The following EXOC6 variants were observed in gnomAD, a reference collection of about 807,000 sequenced individuals.
EXOC6 encodes the protein exocyst complex component 6.
A neutral mutation model predicts 112.5 loss-of-function variants in EXOC6; 60 were observed. The ratio of observed to expected loss-of-function variants is 0.53; its 90% CI spans 0.43 to 0.66. EXOC6 has a LOEUF of 0.66. EXOC6 is among the 30% of genes least tolerant of loss of function. The pLI is 0.00. For synonymous variants in EXOC6, 295 were observed against 308.0 expected, an observed-to-expected ratio of 0.96 and a Z score of 0.44; for missense variants, 855 against 957.1, an observed-to-expected ratio of 0.89 and a Z score of 1.41.
upstream of EXOC6, among the ~76,000 whole-genome samples, chr10:92,832,373 G>A (rs959175290): frequency 5.3e-5 from 8 of 152,180 alleles, no homozygotes; most frequent in African/African-American, 1.4e-4. Context: ...CGCCTCCCGG[G>A]TTCAAGCGAT....
intron 20 of EXOC6, among the ~76,000 whole-genome samples, chr10:93,056,437 C>A (rs1846541124): frequency 6.6e-6 from 1 of 152,112 alleles, no homozygotes; most frequent in African/African-American, 2.4e-5. Flanking sequence ...TTGAGATTAT[C>A]TGAGCTTTTG....
chr10:93,017,194 C>T (rs905514935), intron 20 of EXOC6, among the ~76,000 whole-genome samples: 4 of 151,848 alleles, frequency 2.6e-5, no homozygotes, highest in African/African-American at 9.7e-5. Flanking sequence ...AAGCAGTTTA[C>T]AATTGGCTAC....
intron 1 of EXOC6, among the ~76,000 whole-genome samples, chr10:92,859,311 C>T (rs1350404965): frequency 6.6e-6 from 1 of 152,166 alleles, no homozygotes; most frequent in Admixed American, 6.5e-5. Context: ...TGTTGCTCCT[C>T]AGAGTGCAAT....
chr10:92,922,365 A>G (rs984041525), intron 8 of EXOC6, among the ~76,000 whole-genome samples: 2 of 152,196 alleles, frequency 1.3e-5, no homozygotes, highest in Non-Finnish European at 2.9e-5. Flanking sequence ...TCATTTGCAA[A>G]ATATGGTTAA....
intron 9 of EXOC6, among the ~76,000 whole-genome samples, chr10:92,932,328 A>G (rs10748586): frequency 0.78 from 119,112 of 152,052 alleles, 47,924 homozygotes; most frequent in East Asian, 1. Flanking sequence ...GAGCAGGAGG[A>G]AACTTTCTGA....
chr10:93,037,564 T>C (rs1258153872), intron 20 of EXOC6, among the ~76,000 whole-genome samples: 1 of 147,666 alleles, frequency 6.8e-6, no homozygotes, highest in Non-Finnish European at 1.5e-5. Context: ...CTCAGCCTCC[T>C]GAGTAGCTGG....
chr10:92,936,378 C>T (rs2133960961), intron 12 of EXOC6, among the ~76,000 whole-genome samples: 1 of 152,318 alleles, frequency 6.6e-6, no homozygotes, highest in East Asian at 1.9e-4. Context: ...AAATATGATA[C>T]TTTGTATGAA....
At chr10:92,917,140 T>C (rs1006479428) in intron 7 of EXOC6, among the ~76,000 whole-genome samples, 1 of 151,984 alleles carries the variant, frequency 6.6e-6, no homozygotes, top group African/African-American at 2.4e-5. Flanking sequence ...CTAATTTTTG[T>C]ATTTTTATTA....
At chr10:92,929,113 T>TA (rs1193432169) in intron 9 of EXOC6, among the ~76,000 whole-genome samples, 1 of 148,852 alleles carries the variant, frequency 6.7e-6, no homozygotes, top group Non-Finnish European at 1.5e-5. Flanking sequence ...AGGTGTCTAA[T>TA]AAGAGATTGT....
intron 14 of EXOC6, among the ~76,000 whole-genome samples, chr10:92,949,851 C>G (rs1853298231): frequency 6.6e-6 from 1 of 152,092 alleles, no homozygotes; most frequent in African/African-American, 2.4e-5. Context: ...CTGCTTCAGC[C>G]ACACAAAGTG....
chr10:92,931,776 GGATT>G (rs1322881734), intron 9 of EXOC6, among the ~76,000 whole-genome samples: 1 of 151,978 alleles, frequency 6.6e-6, no homozygotes, highest in Non-Finnish European at 1.5e-5. Flanking sequence ...AAAATTGAAA[GGATT>G]GATAATAGCA....
At chr10:92,896,717 G>A (rs888425829) in intron 4 of EXOC6, among the ~76,000 whole-genome samples, 8 of 151,854 alleles carry the variant, frequency 5.3e-5, no homozygotes, top group Non-Finnish European at 5.9e-5. Context: ...CACCATGCCC[G>A]GCTAATTTCA....
chr10:92,924,284 C>G (rs574190239), intron 8 of EXOC6, among the ~76,000 whole-genome samples: 1 of 152,092 alleles, frequency 6.6e-6, no homozygotes. Context: ...TAATACTCTT[C>G]GTTAGGATGT....
At chr10:92,926,858 C>A (rs968538424) in intron 8 of EXOC6, among the ~76,000 whole-genome samples, 4 of 151,990 alleles carry the variant, frequency 2.6e-5, no homozygotes, top group African/African-American at 7.3e-5. Flanking sequence ...TGAGTGATGG[C>A]TGGATATGTT....
chr10:93,043,229 C>A (rs1266031818), intron 20 of EXOC6, among the ~76,000 whole-genome samples: 6 of 152,150 alleles, frequency 3.9e-5, no homozygotes, highest in African/African-American at 1.4e-4. Context: ...GCCACCGCGC[C>A]CAGCTACAAT....
At chr10:92,958,604 G>T (rs767726104) in intron 17 of EXOC6, among the ~76,000 whole-genome samples, 1 of 152,168 alleles carries the variant, frequency 6.6e-6, no homozygotes, top group Admixed American at 6.5e-5. Flanking sequence ...CAAGGACATG[G>T]TACATGTCAG....
chr10:92,864,146 A>T (rs1317848765), intron 1 of EXOC6, among the ~76,000 whole-genome samples: 1 of 152,176 alleles, frequency 6.6e-6, no homozygotes, highest in African/African-American at 2.4e-5. Context: ...AACACAGAAA[A>T]TTATTCTGGC....
chr10:93,025,474 A>T (rs1844985317), intron 20 of EXOC6, among the ~76,000 whole-genome samples: 1 of 152,228 alleles, frequency 6.6e-6, no homozygotes. Context: ...TTGCAGAGGA[A>T]TATAAAATAG....
chr10:92,894,908 T>C (rs756501321), intron 3 of EXOC6, 22 bp from the exon 4 acceptor site: 4 of 1,605,522 alleles, frequency 2.5e-6, no homozygotes, highest in African/African-American at 1.3e-5. Context: ...TTTAAAAATA[T>C]GAACATTCCT....
Sources: gnomAD v4.1 joint callset for allele counts (sites outside exome capture counted in the v4.1 genomes callset) on GRCh38, gnomAD v4.1.1 for gene constraint, MANE v1.5 for transcripts, NCBI Gene and HGNC (gene_info 2026-07-23, HGNC 2026-07-21) for gene names.